Variants in PCDHGA2 observed in about 807,000 individuals in gnomAD.
PCDHGA2 encodes protocadherin gamma subfamily A, 2, also known as protocadherin gamma-A2.
Under a neutral mutation model 59.2 loss-of-function variants are expected in PCDHGA2, and 40 were observed. The observed-to-expected ratio is 0.68, with a 90% confidence interval of 0.52 to 0.88. The LOEUF is 0.88. PCDHGA2 is among the 40% of genes least tolerant of loss of function. The pLI is 0.00. For missense variants in PCDHGA2, 1,226 were observed against 1,204.0 expected (o/e 1.02, Z -0.27); for synonymous variants, 560 against 526.0 (o/e 1.06, Z -0.89).
At chr5:141,360,064 C>A (rs769109998) in intron 1 of PCDHGA2, 19 of 1,462,446 alleles carry the variant, frequency 1.3e-5, no homozygotes, top group Non-Finnish European at 1.7e-5. Flanking sequence ...GGAAAAGTGA[C>A]CTTAGCCCGG....
intron 1 of PCDHGA2, chr5:141,415,950 A>G (rs996935488): frequency 4.0e-6 from 2 of 498,646 alleles, no homozygotes; most frequent in Non-Finnish European, 6.1e-6. Flanking sequence ...GGGTGGTCAC[A>G]TATTGAAACT....
chr5:141,470,721 AG>A (rs948288535), intron 1 of PCDHGA2, among the ~76,000 whole-genome samples: 2 of 152,098 alleles, frequency 1.3e-5, no homozygotes, highest in African/African-American at 4.8e-5. Flanking sequence ...TTTTTGAGTC[AG>A]GGTCTTGCTC....
intron 1 of PCDHGA2, chr5:141,350,893 C>T: frequency 6.2e-7 from 1 of 1,614,042 alleles, no homozygotes; most frequent in Non-Finnish European, 8.5e-7. Flanking sequence ...TCCTGACTGC[C>T]ATGGATGGCG....
chr5:141,462,209 C>T (rs1158675305), intron 1 of PCDHGA2, among the ~76,000 whole-genome samples: 6 of 152,172 alleles, frequency 3.9e-5, no homozygotes, highest in Non-Finnish European at 8.8e-5. Flanking sequence ...ATCCGCCTGC[C>T]TCGGCCTCCC....
In PCDHGA2 at chr5:141,491,893, G is replaced by C. The variant is rs2099734820; in HGVS notation, c.2425-2914G>C. The C allele has an allele frequency of 6.9e-7, 1 of 1,438,856 alleles. No individual in the cohort carries two copies. The highest frequency in any genetic ancestry group is 9.2e-7 in the Non-Finnish European group (1 of 1,088,104). 89.1% of individuals were successfully genotyped at this position (1,438,856 alleles called of 1,614,324 possible). A position where few individuals can be genotyped will look rare whatever the true frequency, so the allele number is the denominator to read the frequency against. ...GGCCGATTAAGGGATGGGGCTCCGA[G>C]CACCGGGGGTGGTGGCGACTGTGGG... On this transcript the variant is annotated intron_variant, in intron 1 of 3. Coordinates refer to ENST00000394576, the MANE Select transcript of PCDHGA2 (RefSeq NM_018915.4). The surrounding 1 kb of genome is among the most constrained non-coding windows in gnomAD (Gnocchi z 6.9).
At chr5:141,418,851 G>A (rs778281594) in intron 1 of PCDHGA2, 9 of 1,613,906 alleles carry the variant, frequency 5.6e-6, no homozygotes, top group South Asian at 2.2e-5. Context: ...TCAACACGGT[G>A]TAAAGTAATT....
chr5:141,340,938 C>T lies in PCDHGA2; in HGVS notation c.1967C>T (p.Ala656Val). ...GACCACGGCCAGCCCCCTCTCTCCG[C>T]CACTGTCACGCTCACCGTGGCCGTG... is the stretch of plus-strand genomic sequence containing the variant. ...IQDHGQPPLSATVTLTVAVAD... is the reference protein window; with the variant it reads ...IQDHGQPPLSVTVTLTVAVAD... Residue 656 changes from alanine to valine, a missense_variant, in exon 1 of 4, where the codon GCC becomes GTC. Ala to Val is a moderately conservative substitution (Grantham distance 64). Coordinates refer to ENST00000394576, the MANE Select transcript of PCDHGA2 (RefSeq NM_018915.4). 1.9e-6 allele frequency: 3 copies of T among 1,613,784 alleles called. No homozygotes were observed. Among genetic ancestry groups the T allele is most frequent in the Non-Finnish European group, 2.5e-6 (3 of 1,179,830 alleles).
intron 1 of PCDHGA2, chr5:141,370,328 G>T: frequency 1.4e-6 from 2 of 1,405,614 alleles, no homozygotes; most frequent in South Asian, 2.9e-5. Flanking sequence ...CCTGCTCGGA[G>T]AACTCTTGGG....
chr5:141,413,981 C>T (rs563161887), intron 1 of PCDHGA2: 52 of 1,613,334 alleles, frequency 3.2e-5, no homozygotes, highest in African/African-American at 5.3e-5. Context: ...CTGACAGTCA[C>T]AGCCACCGAC....
rs755321974 is a variant in PCDHGA2 at position 141,365,861 on chromosome 5, A to G, written c.2424+24466A>G. ...CTCCTATGTATCCATTAACTCTGAC[A>G]CCGGTGTCCTGTATGCTCTGAGATC... On this transcript the variant is annotated intron_variant, in intron 1 of 3. Coordinates refer to ENST00000394576, the MANE Select transcript of PCDHGA2 (RefSeq NM_018915.4). The G allele has an allele frequency of 2.5e-5, 40 of 1,613,912 alleles. No individual in the cohort carries two copies. The highest frequency in any genetic ancestry group is 1.6e-4 in the Middle Eastern group (1 of 6,084).
At position 141,474,586 on chromosome 5, in the gene PCDHGA2, A is replaced by T. The variant is rs149003643; in HGVS notation, c.2425-20221A>T. 7.1e-4 allele frequency among the ~76,000 whole-genome samples: 108 copies of T among 152,340 alleles called. No individual in the cohort carries two copies. The East Asian group carries it at 0.015, about 21-fold the overall frequency. The stretch of plus-strand genomic sequence containing the variant: ...TCAGAGATTAATTGAAGTGTTAAAG[A>T]CATGGAAATATAGGTCACATATGGC... On this transcript the variant is annotated intron_variant, in intron 1 of 3. Coordinates refer to ENST00000394576, the MANE Select transcript of PCDHGA2 (RefSeq NM_018915.4).
chr5:141,444,184 T>TG, intron 1 of PCDHGA2, among the ~76,000 whole-genome samples: 1 of 138,886 alleles, frequency 7.2e-6, no homozygotes, highest in South Asian at 2.4e-4. Flanking sequence ...TTTTTTTTTT[T>TG]TTTTGAGATG....
At chr5:141,423,409 G>T (rs1168604361) in intron 1 of PCDHGA2, 1 of 1,614,148 alleles carries the variant, frequency 6.2e-7, no homozygotes, top group South Asian at 1.1e-5. Flanking sequence ...CCTGCTGCAG[G>T]CTTCTGAAGG....
chr5:141,422,762 C>A (rs745320796), intron 1 of PCDHGA2: 1 of 1,613,392 alleles, frequency 6.2e-7, no homozygotes, highest in Admixed American at 1.7e-5. Context: ...AACTCCAACA[C>A]TGGTGTTCTC....
chr5:141,489,222 A>C lies in PCDHGA2; in HGVS notation c.2425-5585A>C. On this transcript the variant is annotated intron_variant, in intron 1 of 3. Coordinates refer to ENST00000394576, the MANE Select transcript of PCDHGA2 (RefSeq NM_018915.4). The surrounding 1 kb of genome is among the most constrained non-coding windows in gnomAD (Gnocchi z 4.5). ...ACAGGACAGCACAGACTTACTCTCC[A>C]CAAAGGGACTTCTGGGTCATGGGGC... 6.6e-7 allele frequency: 1 copy of C among 1,515,652 alleles called. No individual in the cohort carries two copies. Among genetic ancestry groups the C allele is most frequent in the Middle Eastern group, 1.8e-4 (1 of 5,598 alleles). 93.9% of individuals were successfully genotyped at this position (1,515,652 alleles called of 1,614,324 possible).
intron 1 of PCDHGA2, chr5:141,418,560 A>G (rs752240769): frequency 1.2e-6 from 2 of 1,614,034 alleles, no homozygotes; most frequent in Non-Finnish European, 1.7e-6. Context: ...CTGGTAATAG[A>G]TGCCAATGAC....
chr5:141,374,731 T>C (rs922018990), intron 1 of PCDHGA2: 7 of 1,610,566 alleles, frequency 4.3e-6, no homozygotes, highest in Non-Finnish European at 4.2e-6. Flanking sequence ...CTGCCATGGA[T>C]GGCGGCGACC....
At position 141,405,002 on chromosome 5, in the gene PCDHGA2, C is replaced by T. The variant is rs2154535993; in HGVS notation, c.2424+63607C>T. ...GGGCAGTCTTCAGATCCCTGCAGAC[C>T]TGGAGGCCTCAGACCTTACCCTCTA... is the stretch of plus-strand genomic sequence containing the variant. On this transcript the variant is annotated intron_variant, in intron 1 of 3. Transcript: ENST00000394576. The T allele has an allele frequency of 1.9e-6, 3 of 1,613,870 alleles. No homozygotes were observed. In the East Asian group the frequency reaches 6.7e-5, roughly 36 times the overall value.
Position 141,351,019 on chromosome 5 carries a change from G to T in PCDHGA2, c.2424+9624G>T, listed in dbSNP as rs777583740. The T allele has an allele frequency of 8.1e-6, 13 of 1,613,954 alleles. No homozygotes were observed. The Admixed American group carries it at 1.2e-4, about 14-fold the overall frequency. ...GGGTTAGCCTCCAAGAAAACGTACC[G>T]TGGGGAACCTCCGTGCTGCGGGTGA... On this transcript the variant is annotated intron_variant, in intron 1 of 3. Coordinates refer to ENST00000394576, the MANE Select transcript of PCDHGA2 (RefSeq NM_018915.4).
Sources: allele counts gnomAD v4.1 joint callset (sites outside exome capture counted in the v4.1 genomes callset), GRCh38; gene constraint gnomAD v4.1.1; non-coding constraint Gnocchi (gnomAD v3.1); transcripts MANE v1.5; gene names NCBI Gene and HGNC (gene_info 2026-07-23, HGNC 2026-07-21).